Variants in GPC5 observed in about 807,000 individuals in gnomAD.
GPC5 encodes glypican 5.
A neutral mutation model predicts 53.9 loss-of-function variants in GPC5; 47 were observed. That is an observed-to-expected ratio of 0.87 (90% confidence interval 0.69 to 1.11). The LOEUF (loss-of-function observed/expected upper bound fraction) is 1.11. Ranked by LOEUF, GPC5 falls within the 50% of genes most tolerant of loss-of-function variation. GPC5 has a pLI of 0.00. For missense variants in GPC5, 748 were observed against 713.1 expected (o/e 1.05, Z -0.56); for synonymous variants, 286 against 263.3 (o/e 1.09, Z -0.84).
chr13:92,198,612 G>T (rs2042273319), intron 7 of GPC5, among the ~76,000 whole-genome samples: 1 of 152,140 alleles, frequency 6.6e-6, no homozygotes, highest in Non-Finnish European at 1.5e-5. Flanking sequence ...TAGACACATT[G>T]CTCCCGTCAA....
chr13:92,798,603 G>C (rs1266601982), intron 7 of GPC5, among the ~76,000 whole-genome samples: 1 of 151,822 alleles, frequency 6.6e-6, no homozygotes, highest in African/African-American at 2.4e-5. Context: ...TATCTCAGCT[G>C]TTTGTGGGAT....
chr13:92,064,443 G>A (rs2041149190), intron 6 of GPC5, among the ~76,000 whole-genome samples: 1 of 152,126 alleles, frequency 6.6e-6, no homozygotes, highest in Non-Finnish European at 1.5e-5. Context: ...ACTTGAAACA[G>A]GAGAAGCTTA....
intron 7 of GPC5, among the ~76,000 whole-genome samples, chr13:92,274,030 A>G (rs1054399921): frequency 1.3e-5 from 2 of 152,168 alleles, no homozygotes; most frequent in Non-Finnish European, 2.9e-5. Context: ...ACTAGATACC[A>G]ACCTGTAGAA....
At chr13:91,607,069 T>C (rs1463109742) in intron 2 of GPC5, among the ~76,000 whole-genome samples, 1 of 152,176 alleles carries the variant, frequency 6.6e-6, no homozygotes, top group Non-Finnish European at 1.5e-5. Context: ...TTTGGATCTT[T>C]CCTGCTTTCT....
chr13:92,864,721 A>G (rs968814651), intron 7 of GPC5, among the ~76,000 whole-genome samples: 3 of 152,086 alleles, frequency 2.0e-5, no homozygotes, highest in African/African-American at 7.2e-5. Flanking sequence ...GCCTAATGAC[A>G]CAGAAGGGCA....
intron 2 of GPC5, among the ~76,000 whole-genome samples, chr13:91,569,315 A>G (rs941440119): frequency 1.3e-5 from 2 of 152,154 alleles, no homozygotes; most frequent in African/African-American, 4.8e-5. Context: ...CATACCCAAG[A>G]TAAGTTCTAG....
At chr13:91,759,432 G>A (rs1230052537) in intron 5 of GPC5, among the ~76,000 whole-genome samples, 1 of 151,910 alleles carries the variant, frequency 6.6e-6, no homozygotes, top group Non-Finnish European at 1.5e-5. Context: ...ATTGTTGACT[G>A]TAGTCATCCT....
chr13:92,358,801 C>G lies in GPC5; in HGVS notation c.1561+213812C>G, dbSNP rs140536405. Among the ~76,000 whole-genome samples the G allele has an allele frequency of 3.9e-5, 6 of 151,912 alleles. No individual in the cohort carries two copies. In the East Asian group the frequency reaches 1.2e-3, roughly 29 times the overall value. Reference sequence around the variant, plus strand: ...AGCAATGTCTTGAGGTTGTTTAGGGCAGCGGGGCCCTGGGCCCAGTCCATG... The same window carrying G: ...AGCAATGTCTTGAGGTTGTTTAGGGGAGCGGGGCCCTGGGCCCAGTCCATG... On this transcript the variant is annotated intron_variant, in intron 7 of 7. Coordinates refer to ENST00000377067, the MANE Select transcript of GPC5 (RefSeq NM_004466.6).
intron 2 of GPC5, among the ~76,000 whole-genome samples, chr13:91,645,984 T>C (rs1469318184): frequency 6.6e-6 from 1 of 152,210 alleles, no homozygotes; most frequent in East Asian, 1.9e-4. Context: ...TGGTAGCAGG[T>C]AACACACAGG....
intron 2 of GPC5, among the ~76,000 whole-genome samples, chr13:91,656,845 T>A (rs930923782): frequency 1.3e-5 from 2 of 152,210 alleles, no homozygotes; most frequent in Non-Finnish European, 2.9e-5. Context: ...TTTGTCCATT[T>A]GTTCAACAAA....
At chr13:92,048,589 T>C (rs2041002419) in intron 6 of GPC5, among the ~76,000 whole-genome samples, 1 of 152,216 alleles carries the variant, frequency 6.6e-6, no homozygotes, top group South Asian at 2.1e-4. Flanking sequence ...AAACTCATAG[T>C]GTTCACTTTT....
chr13:92,747,511 TGG>T (rs1298937103), intron 7 of GPC5, among the ~76,000 whole-genome samples: 1 of 152,030 alleles, frequency 6.6e-6, no homozygotes, highest in African/African-American at 2.4e-5. Flanking sequence ...AGCAAGTCAC[TGG>T]GGGTATGCAT....
At chr13:91,905,304 T>C (rs1403488743) in intron 5 of GPC5, among the ~76,000 whole-genome samples, 2 of 151,798 alleles carry the variant, frequency 1.3e-5, no homozygotes, top group African/African-American at 4.8e-5. Context: ...TCTATCTCTC[T>C]CTATATATTT....
At chr13:92,811,533 A>G (rs1054956391) in intron 7 of GPC5, among the ~76,000 whole-genome samples, 3 of 151,968 alleles carry the variant, frequency 2.0e-5, no homozygotes, top group African/African-American at 4.8e-5. Flanking sequence ...ATTATCAGAT[A>G]TTAGATTTAC....
chr13:91,901,258 T>C (rs981123309), intron 5 of GPC5, among the ~76,000 whole-genome samples: 2 of 152,122 alleles, frequency 1.3e-5, no homozygotes, highest in Non-Finnish European at 2.9e-5. Flanking sequence ...TATTTATATG[T>C]AATTATAAAG....
intron 2 of GPC5, among the ~76,000 whole-genome samples, chr13:91,564,985 CTTT>C (rs1258021534): frequency 4.1e-5 from 1 of 24,632 alleles, no homozygotes; most frequent in African/African-American, 1.2e-4. Context: ...ATTTCTGTGG[CTTT>C]TTTTTGGGGG....
chr13:92,488,762 A>T (rs1159905593), intron 7 of GPC5, among the ~76,000 whole-genome samples: 1 of 152,218 alleles, frequency 6.6e-6, no homozygotes. Flanking sequence ...CTCTTGATTC[A>T]TGATAATGTT....
intron 7 of GPC5, among the ~76,000 whole-genome samples, chr13:92,165,012 A>AT (rs1312073401): frequency 6.6e-6 from 1 of 152,198 alleles, no homozygotes; most frequent in Non-Finnish European, 1.5e-5. Flanking sequence ...GAGACTGCAC[A>AT]AAGCGATAAG....
intron 7 of GPC5, among the ~76,000 whole-genome samples, chr13:92,587,430 C>G (rs1320761483): frequency 2.0e-5 from 3 of 152,074 alleles, no homozygotes; most frequent in African/African-American, 2.4e-5. Flanking sequence ...AATGTCATAG[C>G]CAGGACTTGA....
Sources: allele counts gnomAD v4.1 joint callset (sites outside exome capture counted in the v4.1 genomes callset), GRCh38; gene constraint gnomAD v4.1.1; transcripts MANE v1.5; gene names NCBI Gene and HGNC (gene_info 2026-07-23, HGNC 2026-07-21).